The following ATXN10 variants were observed in gnomAD, a reference collection of about 807,000 sequenced individuals.
The protein encoded by ATXN10 is ataxin-10.
A neutral mutation model predicts 52.9 loss-of-function variants in ATXN10; 28 were observed. The ratio of observed to expected loss-of-function variants is 0.53; its 90% confidence interval spans 0.39 to 0.73. The LOEUF (loss-of-function observed/expected upper bound fraction) is 0.73, where lower values mean the gene tolerates loss of function less well. Among genes scored for constraint, ATXN10 ranks in the 30% least tolerant of loss-of-function variants. The pLI is 0.00. For missense variants in ATXN10, 565 were observed against 577.0 expected, an observed-to-expected ratio of 0.98 and a Z score of 0.21; for synonymous variants, 226 against 221.5, an observed-to-expected ratio of 1.02 and a Z score of -0.18.
chr22:45,778,193 A>G (rs1927027045), intron 9 of ATXN10, among the ~76,000 whole-genome samples: 1 of 152,236 alleles, frequency 6.6e-6, no homozygotes, highest in Non-Finnish European at 1.5e-5. Flanking sequence ...TGTGTTATGC[A>G]ATAGCTGTAT....
chr22:45,718,449 G>A lies in ATXN10; in HGVS notation c.684G>A (p.Pro228=), dbSNP rs760818193. The stretch of plus-strand genomic sequence containing the variant: ...TTACAGACCTCTTTCTGAAAAGCCC[G>A]GAATTGGTACAAGCCATGTTTCCCA... ...LIITDLFLKS[P]ELVQAMFPKL... is the part of the protein sequence containing the mutation. Residue 228 remains proline, a synonymous_variant, in exon 6 of 12, where the codon CCG becomes CCA. Coordinates refer to ENST00000252934, the MANE Select transcript of ATXN10 (RefSeq NM_013236.4). The surrounding 1 kb of genome is among the most constrained non-coding windows in gnomAD (Gnocchi z 4.4). 18 of 1,613,522 alleles carry A rather than the reference G, an allele frequency of 1.1e-5. No homozygotes were observed. The East Asian group carries it at 1.8e-4, about 16-fold the overall frequency.
chr22:45,748,595 G>A lies in ATXN10; in HGVS notation c.1173+8057G>A, dbSNP rs576799700. 3.3e-5 allele frequency among the ~76,000 whole-genome samples: 5 copies of A among 152,254 alleles called. No homozygotes were observed. The East Asian group carries it at 9.6e-4, about 29-fold the overall frequency. The stretch of plus-strand genomic sequence containing the variant: ...AATCTGTTCTAGCTCAATTCTGAAA[G>A]TATGTTAAGGAACTTTTAAATTACA... On this transcript the variant is annotated intron_variant, in intron 9 of 11. Coordinates refer to ENST00000252934, the MANE Select transcript of ATXN10 (RefSeq NM_013236.4).
chr22:45,761,687 C>T (rs548752172), intron 9 of ATXN10, among the ~76,000 whole-genome samples: 2 of 152,298 alleles, frequency 1.3e-5, no homozygotes, highest in East Asian at 1.9e-4. Context: ...TACACTTCTT[C>T]CCAGTTTTTG....
Position 45,823,791 on chromosome 22 carries a change from G to A in ATXN10, c.1237+16769G>A, listed in dbSNP as rs1275505082. 6.6e-6 allele frequency among the ~76,000 whole-genome samples: 1 copy of A among 152,074 alleles called. No individual in the cohort carries two copies. The highest frequency in any genetic ancestry group is 1.5e-5 in the Non-Finnish European group (1 of 68,000). ...TGCTGCACACTGTTCTAGCTGCCAG[G>A]GATACAATGGTTGATCAAAAAAGAG... On this transcript the variant is annotated intron_variant, in intron 10 of 11. Coordinates refer to ENST00000252934, the MANE Select transcript of ATXN10 (RefSeq NM_013236.4). This position sits in a 1 kb window ranked among gnomAD's most constrained non-coding sequence, Gnocchi z 4.9.
chr22:45,825,079 T>C lies in ATXN10; in HGVS notation c.1238-17912T>C, dbSNP rs913347849. On this transcript the variant is annotated intron_variant, in intron 10 of 11. Transcript: ENST00000252934. The surrounding 1 kb of genome is among the most constrained non-coding windows in gnomAD (Gnocchi z 4.5). ...CCTATGGCAGACAGCTGCTGTACAC[T>C]GTTCCTAGAGCATCTTGCAAGCAGC... Among the ~76,000 whole-genome samples, 1 of 152,236 alleles carries C rather than the reference T, an allele frequency of 6.6e-6. No homozygotes were observed. The highest frequency in any genetic ancestry group is 1.5e-5 in the Non-Finnish European group (1 of 68,036).
intron 7 of ATXN10, among the ~76,000 whole-genome samples, chr22:45,736,251 A>G (rs989487896): frequency 3.3e-5 from 5 of 152,094 alleles, no homozygotes; most frequent in Non-Finnish European, 7.4e-5. Flanking sequence ...TCTTTCCTCC[A>G]CAGTTCCACT....
chr22:45,684,514 G>T lies in ATXN10; in HGVS notation c.117-5198G>T, dbSNP rs1923058734. Reference sequence around the variant, plus strand: ...GAGATGATAAAGTTTCATGACACATGAAAATTATATGAATTTAAATTTTAG... The same window carrying T: ...GAGATGATAAAGTTTCATGACACATTAAAATTATATGAATTTAAATTTTAG... On this transcript the variant is annotated intron_variant, in intron 1 of 11. Coordinates refer to ENST00000252934, the MANE Select transcript of ATXN10 (RefSeq NM_013236.4). This position sits in a 1 kb window ranked among gnomAD's most constrained non-coding sequence, Gnocchi z 4.1. Among the ~76,000 whole-genome samples, 1 of 152,146 alleles carries T rather than the reference G, an allele frequency of 6.6e-6. No homozygotes were observed. Among genetic ancestry groups the T allele is most frequent in the Non-Finnish European group, 1.5e-5 (1 of 68,030 alleles).
At chr22:45,799,289 A>G (rs530663645) in intron 9 of ATXN10, among the ~76,000 whole-genome samples, 1 of 152,314 alleles carries the variant, frequency 6.6e-6, no homozygotes, top group Admixed American at 6.5e-5. Context: ...TTGAAAATGC[A>G]AAAGACCTAG....
At chr22:45,737,204 G>T (rs555802496) in intron 7 of ATXN10, among the ~76,000 whole-genome samples, 104 of 152,348 alleles carry the variant, frequency 6.8e-4, no homozygotes, top group African/African-American at 2.4e-3. Flanking sequence ...CTGCTGGCCG[G>T]TGGGAGCCTC....
At chr22:45,773,365 A>G (rs1926840053) in intron 9 of ATXN10, among the ~76,000 whole-genome samples, 1 of 149,904 alleles carries the variant, frequency 6.7e-6, no homozygotes, top group Admixed American at 6.6e-5. Flanking sequence ...GCCTTATTTG[A>G]TCATGCTGTG....
rs1212926999 is a variant in ATXN10, at chr22:45,784,428, G to A, written c.1174-22531G>A. Among the ~76,000 whole-genome samples, 1 of 152,130 alleles carries A rather than the reference G, an allele frequency of 6.6e-6. No homozygotes were observed. The highest frequency in any genetic ancestry group is 2.4e-5 in the African/African-American group (1 of 41,440). ...CCCATTTTCAAGCAGAGCTAACACA[G>A]CTTCTAAGACATATGATCTTGATTC... On this transcript the variant is annotated intron_variant, in intron 9 of 11. Transcript: ENST00000252934. The surrounding 1 kb of genome is among the most constrained non-coding windows in gnomAD (Gnocchi z 4.2).
Position 45,766,801 on chromosome 22 carries a change from G to GT in ATXN10, c.1173+26266dup, listed in dbSNP as rs1422085022. Among the ~76,000 whole-genome samples the GT allele has an allele frequency of 1.3e-5, 2 of 152,160 alleles. No individual in the cohort carries two copies. The highest frequency in any genetic ancestry group is 3.9e-4 in the East Asian group (2 of 5,184). On this transcript the variant is annotated intron_variant, in intron 9 of 11. Coordinates refer to ENST00000252934, the MANE Select transcript of ATXN10 (RefSeq NM_013236.4). The surrounding 1 kb of genome is among the most constrained non-coding windows in gnomAD (Gnocchi z 4.6). ...AAGCCTAATATCCATAATACAAAGA[G>GT]TTTCCAAAAATAAAGGAAAAAACCA...
chr22:45,685,462 C>G (rs1340722062), intron 1 of ATXN10, among the ~76,000 whole-genome samples: 1 of 152,152 alleles, frequency 6.6e-6, no homozygotes, highest in East Asian at 1.9e-4. Flanking sequence ...AGTCGCTGTA[C>G]ATTTTTTGTT....
intron 9 of ATXN10, among the ~76,000 whole-genome samples, chr22:45,798,355 G>A (rs977499679): frequency 2.6e-5 from 4 of 152,154 alleles, no homozygotes; most frequent in African/African-American, 7.2e-5. Context: ...TATCTCAGCC[G>A]TGCACTGTTG....
chr22:45,834,776 G>A (rs1042168769), intron 10 of ATXN10, among the ~76,000 whole-genome samples: 3 of 152,178 alleles, frequency 2.0e-5, no homozygotes, highest in Admixed American at 6.5e-5. Flanking sequence ...GTCAGAGCTC[G>A]TGCACCGTGG....
At chr22:45,746,659 C>T (rs189611837) in intron 9 of ATXN10, among the ~76,000 whole-genome samples, 2 of 143,272 alleles carry the variant, frequency 1.4e-5, no homozygotes, top group Admixed American at 1.4e-4. Flanking sequence ...GTGTGGACTT[C>T]CCAACCTTCA....
At chr22:45,722,569 A>C (rs190257105) in intron 6 of ATXN10, among the ~76,000 whole-genome samples, 1 of 152,328 alleles carries the variant, frequency 6.6e-6, no homozygotes, top group Non-Finnish European at 1.5e-5. Flanking sequence ...CATATAATAA[A>C]GCTGCATTAT....
chr22:45,734,345 A>G lies in ATXN10; in HGVS notation c.895-4386A>G, dbSNP rs1236142470. On this transcript the variant is annotated intron_variant, in intron 7 of 11. Coordinates refer to ENST00000252934, the MANE Select transcript of ATXN10 (RefSeq NM_013236.4). ...TATGTTTGTTTTTGCATATTAGGTT[A>G]CTCTTTAAAATGCATTTATTAAAAA... The G allele has an allele frequency of 1.3e-5, 3 of 226,438 alleles. No homozygotes were observed. The Admixed American group carries it at 1.5e-4, about 12-fold the overall frequency. The allele number at this position is 226,438 out of a possible 1,614,324, so 14.0% of individuals were successfully genotyped here.
At chr22:45,747,102 G>T (rs1234404689) in intron 9 of ATXN10, among the ~76,000 whole-genome samples, 1 of 152,006 alleles carries the variant, frequency 6.6e-6, no homozygotes, top group Non-Finnish European at 1.5e-5. Context: ...AGGTCTTTCT[G>T]GATGATAATG....
Sources: gnomAD v4.1 joint callset for allele counts (sites outside exome capture counted in the v4.1 genomes callset) on GRCh38, gnomAD v4.1.1 for gene constraint, Gnocchi (gnomAD v3.1) non-coding constraint, MANE v1.5 for transcripts, NCBI Gene and HGNC (gene_info 2026-07-23, HGNC 2026-07-21) for gene names.